The following RARG variants were observed in gnomAD, a reference collection of about 807,000 sequenced individuals.
RARG encodes RAR-gamma.
In RARG, 17 loss-of-function variants were observed where a neutral mutation model predicts 43.7. The ratio of observed to expected loss-of-function variants is 0.39; its 90% CI spans 0.27 to 0.58. The LOEUF (loss-of-function observed/expected upper bound fraction) is 0.58. Ranked by LOEUF, RARG falls within the 20% of genes least tolerant of loss-of-function variation. The pLI, the probability that RARG is intolerant of heterozygous loss-of-function variation, is 0.57. For missense variants in RARG, 346 were observed against 598.7 expected (o/e 0.58, Z 4.40); for synonymous variants, 238 against 236.4 (o/e 1.01, Z -0.06).
At chr12:53,220,058 G>A (rs1474029185) in intron 3 of RARG, 2 of 1,549,064 alleles carry the variant, frequency 1.3e-6, no homozygotes, top group African/African-American at 2.7e-5. Flanking sequence ...GCCCCGTACA[G>A]CCGTCGCGGA....
At chr12:53,225,460 A>G (rs577107469) in intron 3 of RARG, among the ~76,000 whole-genome samples, 148 of 151,528 alleles carry the variant, frequency 9.8e-4, no homozygotes, top group Middle Eastern at 3.4e-3. Context: ...CGATGAACAC[A>G]CTCTTTCCAG....
intron 3 of RARG, among the ~76,000 whole-genome samples, chr12:53,221,744 C>G (rs1251227621): frequency 6.6e-6 from 1 of 151,270 alleles, no homozygotes; most frequent in Non-Finnish European, 1.5e-5. Flanking sequence ...CTCCCCCGCG[C>G]CCCGCCCTCA....
At chr12:53,223,893 C>T (rs928765590) in intron 3 of RARG, among the ~76,000 whole-genome samples, 5 of 151,972 alleles carry the variant, frequency 3.3e-5, no homozygotes, top group African/African-American at 4.8e-5. Context: ...GACAGTGGCC[C>T]CATGGCCAGG....
chr12:53,226,404 C>G (rs768372787), intron 3 of RARG, among the ~76,000 whole-genome samples: 5 of 151,954 alleles, frequency 3.3e-5, no homozygotes, highest in Admixed American at 6.6e-5. Flanking sequence ...CTCAGCTCAC[C>G]GCAACCTCTG....
chr12:53,213,107 G>T lies in RARG; in HGVS notation c.1155C>A (p.Asp385Glu), dbSNP rs1411023777. 5.6e-6 allele frequency: 9 copies of T among 1,613,878 alleles called. No individual in the cohort carries two copies. The highest frequency in any genetic ancestry group is 7.6e-6 in the Non-Finnish European group (9 of 1,179,938). The stretch of plus-strand genomic sequence containing the variant: ...CACCCTTAGTGCTGATGCCCCGGAG[G>T]TCGGTGATTTTCATTAGCATCCTTG... The part of the protein sequence containing the change: ...MFPRMLMKIT[D>E]LRGISTKGAE... The change falls in exon 9 of 10, where the codon GAC (aspartate) becomes GAA (glutamate). Residue 385 changes from aspartate to glutamate, a missense_variant. By Grantham distance (45) the Asp-to-Glu change is conservative (BLOSUM62 2). Coordinates refer to ENST00000425354, the MANE Select transcript of RARG (RefSeq NM_000966.6). The surrounding 1 kb of genome is among the most constrained non-coding windows in gnomAD (Gnocchi z 4.7).
At position 53,227,581 on chromosome 12, in the gene RARG, G is replaced by T. The variant is rs1943138558; in HGVS notation, c.-36C>A. 6.8e-7 allele frequency: 1 copy of T among 1,464,444 alleles called. No homozygotes were observed. Among genetic ancestry groups the T allele is most frequent in the East Asian group, 2.6e-5 (1 of 38,156 alleles). The allele number at this position is 1,464,444 out of a possible 1,614,324, so 90.7% of individuals were successfully genotyped here. Reference sequence around the variant, plus strand: ...GTGTGAGAGTCCCCTGGGGTCTGCAGTGGGCGGGCGAGGTCTTCAGCCACA... The same window carrying T: ...GTGTGAGAGTCCCCTGGGGTCTGCATTGGGCGGGCGAGGTCTTCAGCCACA... On this transcript the variant is annotated 5_prime_UTR_variant, in exon 3 of 10. In the 5' UTR this introduces an upstream ATG that the reference lacks. Transcript: ENST00000425354. This position sits in a 1 kb window ranked among gnomAD's most constrained non-coding sequence, Gnocchi z 4.3.
chr12:53,221,381 C>T (rs1026132575), intron 3 of RARG, among the ~76,000 whole-genome samples: 1 of 152,192 alleles, frequency 6.6e-6, no homozygotes, highest in South Asian at 2.1e-4. Flanking sequence ...GTGCCAACTG[C>T]GCCTCGATGA....
chr12:53,215,477 T>C lies in RARG; in HGVS notation c.334-43A>G. 1 of 1,612,158 alleles carries C rather than the reference T, an allele frequency of 6.2e-7. No individual in the cohort carries two copies. Among genetic ancestry groups the C allele is most frequent in the Non-Finnish European group, 8.5e-7 (1 of 1,178,610 alleles). ...AGAGAGGGCCTCTGAAGCACAATGC[T>C]GGGAGTACCAGCCTCTCACTGGCCT... On this transcript the variant is annotated intron_variant, in intron 4 of 9. Coordinates refer to ENST00000425354, the MANE Select transcript of RARG (RefSeq NM_000966.6). This position sits in a 1 kb window ranked among gnomAD's most constrained non-coding sequence, Gnocchi z 6.4.
chr12:53,229,136 G>A (rs571254431), intron 2 of RARG, among the ~76,000 whole-genome samples: 19 of 152,236 alleles, frequency 1.2e-4, no homozygotes, highest in African/African-American at 3.9e-4. Context: ...GTGGGCTAGG[G>A]AGGAAAAGTC....
At chr12:53,217,558 CTAAG>C (rs1265969472) in intron 3 of RARG, among the ~76,000 whole-genome samples, 5 of 152,208 alleles carry the variant, frequency 3.3e-5, no homozygotes, top group Non-Finnish European at 2.9e-5. Flanking sequence ...CTTTTCCTGT[CTAAG>C]TGATACTGTC....
chr12:53,222,072 A>G (rs1235225641), intron 3 of RARG, among the ~76,000 whole-genome samples: 2 of 151,590 alleles, frequency 1.3e-5, no homozygotes, highest in Non-Finnish European at 2.9e-5. Flanking sequence ...TGGCGAGGAA[A>G]CCTCGGGGTG....
intron 3 of RARG, among the ~76,000 whole-genome samples, chr12:53,221,484 A>T (rs1942961658): frequency 6.6e-6 from 1 of 152,102 alleles, no homozygotes; most frequent in Admixed American, 6.5e-5. Flanking sequence ...GACTGTTCTC[A>T]GGGTCTTTAA....
rs371444763 is a variant in RARG, at chr12:53,229,313, T to G, written c.-142-1626A>C. Among the ~76,000 whole-genome samples, 8 of 152,302 alleles carry G rather than the reference T, an allele frequency of 5.3e-5. No homozygotes were observed. The East Asian group carries it at 1.3e-3, about 26-fold the overall frequency. On this transcript the variant is annotated intron_variant, in intron 2 of 9. Coordinates refer to ENST00000425354, the MANE Select transcript of RARG (RefSeq NM_000966.6). ...CATCAGTATTTGCTTCTAGGATGTA[T>G]AGCTCTCAGTCTTTATACCTCTGGT... is the stretch of plus-strand genomic sequence containing the variant.
intron 3 of RARG, among the ~76,000 whole-genome samples, chr12:53,224,185 G>A (rs928718019): frequency 1.3e-5 from 2 of 151,766 alleles, no homozygotes; most frequent in Admixed American, 6.6e-5. Flanking sequence ...TCAGCAGCAC[G>A]TGCTCCCTGA....
chr12:53,220,709 C>G (rs1050308492), intron 3 of RARG, among the ~76,000 whole-genome samples: 2 of 152,164 alleles, frequency 1.3e-5, no homozygotes, highest in African/African-American at 4.8e-5. Flanking sequence ...GAGGCGCGTG[C>G]CCAGGTCGGG....
chr12:53,230,344 T>A (rs1454507354), intron 2 of RARG, among the ~76,000 whole-genome samples: 1 of 149,658 alleles, frequency 6.7e-6, no homozygotes, highest in Non-Finnish European at 1.5e-5. Flanking sequence ...TGGAGGGGGG[T>A]GTGTTTCCCT....
intron 3 of RARG, among the ~76,000 whole-genome samples, chr12:53,222,279 GAGAA>G (rs1356971233): frequency 6.9e-6 from 1 of 145,236 alleles, no homozygotes; most frequent in African/African-American, 2.8e-5. Context: ...AAGGAAGAAA[GAGAA>G]AGGAGGAGAA....
In RARG at chr12:53,227,419, T is replaced by C. The variant is rs1369624218; in HGVS notation, c.127A>G (p.Ser43Gly). ...LRGSPPFEML[S>G]PSFRGLGQPD... Reference sequence around the variant, plus strand: ...TGGCCCAGGCCCCGGAAGCTAGGGCTCAGCATCTCGAAAGGCGGAGACCCC... The same window carrying C: ...TGGCCCAGGCCCCGGAAGCTAGGGCCCAGCATCTCGAAAGGCGGAGACCCC... The change falls in exon 3 of 10, where the codon AGC (serine) becomes GGC (glycine). Residue 43 changes from serine to glycine, a missense_variant. Around this residue, in one of 8 missense-constraint regions of RARG, gnomAD observed 90 missense variants for 93.2 expected, o/e 0.97. Coordinates refer to ENST00000425354, the MANE Select transcript of RARG (RefSeq NM_000966.6). This position sits in a 1 kb window ranked among gnomAD's most constrained non-coding sequence, Gnocchi z 4.3. 1 of 1,606,800 alleles carries C rather than the reference T, an allele frequency of 6.2e-7. No individual in the cohort carries two copies. The highest frequency in any genetic ancestry group is 2.3e-5 in the East Asian group (1 of 44,016).
At position 53,220,184 on chromosome 12, in the gene RARG, G is replaced by T. The variant is rs570366603; in HGVS notation, c.185-4390C>A. ...CCCCCTCCTCCCCCGGCGGCGCCCC[G>T]CTCCAGCAGGGGGGGAGGGGGAGGG... On this transcript the variant is annotated intron_variant, in intron 3 of 9. Coordinates refer to ENST00000425354, the MANE Select transcript of RARG (RefSeq NM_000966.6). 390 of 1,503,834 alleles carry T rather than the reference G, an allele frequency of 2.6e-4. 3 individuals are homozygous for T. The African/African-American group carries it at 4.5e-3, about 18-fold the overall frequency. The allele number at this position is 1,503,834 out of a possible 1,614,324, so 93.2% of individuals were successfully genotyped here.
Sources: gnomAD v4.1 joint callset for allele counts (sites outside exome capture counted in the v4.1 genomes callset) on GRCh38, gnomAD v4.1.1 for gene constraint, gnomAD v4.1.1 regional missense constraint, Gnocchi (gnomAD v3.1) non-coding constraint, MANE v1.5 for transcripts, NCBI Gene and HGNC (gene_info 2026-07-23, HGNC 2026-07-21) for gene names.